Variants in CDH24 observed in about 807,000 individuals in gnomAD.
CDH24 encodes cadherin-24.
Under a neutral mutation model 71.2 loss-of-function variants are expected in CDH24, and 61 were observed. The ratio of observed to expected loss-of-function variants is 0.86; its 90% CI spans 0.70 to 1.06. The LOEUF is 1.06. Ranked by LOEUF, CDH24 falls within the 50% of genes least tolerant of loss-of-function variation. The probability of loss-of-function intolerance (pLI) is 0.00; values close to 1 mark genes in which losing one functional copy is unlikely to be tolerated. For synonymous variants in CDH24, 440 were observed against 470.2 expected (o/e 0.94, Z 0.83); for missense variants, 961 against 1,083.7 (o/e 0.89, Z 1.59).
At chr14:23,050,459 C>T (rs1247032884) in intron 8 of CDH24, among the ~76,000 whole-genome samples, 1 of 151,884 alleles carries the variant, frequency 6.6e-6, no homozygotes, top group Non-Finnish European at 1.5e-5. Context: ...AGGCCATGCA[C>T]AGCACCAGTG....
At chr14:23,048,979 C>T (rs200375242) in intron 11 of CDH24, 48 bp downstream of exon 11, 55 of 1,578,204 alleles carry the variant, frequency 3.5e-5, no homozygotes, top group South Asian at 1.0e-4. Context: ...TCTCCACACC[C>T]CTGCAGGCCC....
chr14:23,047,990 G>C lies in CDH24; in HGVS notation c.2336C>G (p.Pro779Arg), dbSNP rs1248571819. ...LAELYGAKEP[P>R]AP ...GGCCAGCCCGGGCGCTCAGGGGGCC[G>C]GGGGCTCCTTGGCCCCATACAGCTC... The change falls in exon 12 of 13, where the codon CCG becomes CGG. Residue 779 changes from proline to arginine, a missense_variant. Pro to Arg is a moderately radical substitution (Grantham distance 103, BLOSUM62 -2). Coordinates refer to ENST00000487137, the MANE Select transcript of CDH24 (RefSeq NM_144985.4). The C allele has an allele frequency of 2.9e-6, 4 of 1,357,164 alleles. No homozygotes were observed. Among genetic ancestry groups the C allele is most frequent in the Non-Finnish European group, 3.8e-6 (4 of 1,058,102 alleles). 84.1% of individuals were successfully genotyped at this position (1,357,164 alleles called of 1,614,324 possible). A position where few individuals can be genotyped will look rare whatever the true frequency, so the allele number is the denominator to read the frequency against.
Position 23,047,988 on chromosome 14 carries a change from C to T in CDH24, c.2338G>A (p.Ala780Thr). ...AELYGAKEPP[A>T]P is the part of the protein sequence containing the mutation. ...CGGGCCAGCCCGGGCGCTCAGGGGG[C>T]CGGGGGCTCCTTGGCCCCATACAGC... The change falls in exon 12 of 13, where the codon GCC becomes ACC. Residue 780 changes from alanine to threonine, a missense_variant. Ala to Thr is a moderately conservative substitution (Grantham distance 58, BLOSUM62 0). Coordinates refer to ENST00000487137, the MANE Select transcript of CDH24 (RefSeq NM_144985.4). The T allele has an allele frequency of 1.5e-6, 2 of 1,360,894 alleles. No individual in the cohort carries two copies. The highest frequency in any genetic ancestry group is 1.9e-6 in the Non-Finnish European group (2 of 1,061,278). 84.3% of individuals were successfully genotyped at this position (1,360,894 alleles called of 1,614,324 possible).
rs73598409 is a variant in CDH24, at chr14:23,057,040, G to C, written c.-125+363C>G. Among the ~76,000 whole-genome samples the C allele has an allele frequency of 3.3e-5, 5 of 150,618 alleles. No homozygotes were observed. The highest frequency in any genetic ancestry group is 1.2e-4 in the African/African-American group (5 of 40,802). On this transcript the variant is annotated intron_variant, in intron 1 of 12. Transcript: ENST00000487137. The surrounding 1 kb of genome is among the most constrained non-coding windows in gnomAD (Gnocchi z 5.4). Reference sequence around the variant, plus strand: ...GATAGCAGGAAGGGGAGAGGAGAGGGAGGGAAAGGAGAGCAAGAAAGAGAA... The same window carrying C: ...GATAGCAGGAAGGGGAGAGGAGAGGCAGGGAAAGGAGAGCAAGAAAGAGAA...
At chr14:23,050,388 G>A (rs1403544407) in intron 8 of CDH24, among the ~76,000 whole-genome samples, 1 of 152,120 alleles carries the variant, frequency 6.6e-6, no homozygotes, top group African/African-American at 2.4e-5. Context: ...TATGCATAGT[G>A]AATGTGGTGC....
chr14:23,048,524 G>C, intron 11 of CDH24, 45 bp from the exon 12 acceptor site: 1 of 1,588,502 alleles, frequency 6.3e-7, no homozygotes, highest in Non-Finnish European at 8.5e-7. Context: ...GCAGGGCCGG[G>C]AGCGGGCGGC....
In CDH24 at chr14:23,055,263, T is replaced by G. The variant is rs202113150; in HGVS notation, c.292A>C (p.Thr98Pro). The G allele has an allele frequency of 1.9e-6, 3 of 1,614,088 alleles. No homozygotes were observed. ...CTCTTGGTAACATGAATATTGCCTG[T>G]GGCCTCATCAATCACAAATACGGTG... Reference protein sequence around the residue: ...AGTVFVIDEATGNIHVTKSLD... With the variant: ...AGTVFVIDEAPGNIHVTKSLD... The change falls in exon 3 of 13, where the codon ACA (threonine) becomes CCA (proline). Residue 98 changes from threonine to proline, a missense_variant. Thr to Pro is a conservative substitution (Grantham distance 38, BLOSUM62 -1). Coordinates refer to ENST00000487137, the MANE Select transcript of CDH24 (RefSeq NM_144985.4). The surrounding 1 kb of genome is among the most constrained non-coding windows in gnomAD (Gnocchi z 4.1).
Position 23,056,391 on chromosome 14 carries a change from C to A in CDH24, c.-124-534G>T, listed in dbSNP as rs543049387. Among the ~76,000 whole-genome samples the A allele has an allele frequency of 7.2e-5, 11 of 152,316 alleles. No homozygotes were observed. The South Asian group carries it at 2.3e-3, about 32-fold the overall frequency. On this transcript the variant is annotated intron_variant, in intron 1 of 12. Transcript: ENST00000487137. ...TGCCAGTGCAGTCCTTGAAGGGGGA[C>A]TGGGCTCGTGAGACAGGAGTTGGGA...
At position 23,048,080 on chromosome 14, in the gene CDH24, G is replaced by A. The variant is rs2047054842; in HGVS notation, c.2246C>T (p.Ala749Val). 1 of 1,421,710 alleles carries A rather than the reference G, an allele frequency of 7.0e-7. No homozygotes were observed. Among genetic ancestry groups the A allele is most frequent in the Non-Finnish European group, 9.1e-7 (1 of 1,093,414 alleles). 88.1% of individuals were successfully genotyped at this position (1,421,710 alleles called of 1,614,324 possible). ...SLSSLGSGSE[A>V]GGAPGPAEPL... ...CTCCGCGGGGCCGGGGGCGCCGCCG[G>A]CTTCGCTGCCGGAGCCCAGGGAGCT... Residue 749 changes from alanine (A) to valine (V), a missense_variant, in exon 12 of 13, where the codon GCC (alanine) becomes GTC (valine). Ala to Val is a moderately conservative substitution (Grantham distance 64). Coordinates refer to ENST00000487137, the MANE Select transcript of CDH24 (RefSeq NM_144985.4).
chr14:23,055,510 G>GA lies in CDH24; in HGVS notation c.201+22dup, dbSNP rs769416018. On this transcript the variant is annotated intron_variant, in intron 2 of 12. Transcript: ENST00000487137. This position sits in a 1 kb window ranked among gnomAD's most constrained non-coding sequence, Gnocchi z 4.1. Reference sequence around the variant, plus strand: ...GGCCTGAGGGCTTGGTGTCAGAGTAGACATGGGAGGGGTCATCCTTACCTT... The same window carrying GA: ...GGCCTGAGGGCTTGGTGTCAGAGTAGAACATGGGAGGGGTCATCCTTACCTT... The GA allele has an allele frequency of 7.4e-5, 119 of 1,611,476 alleles. No individual in the cohort carries two copies. In the Middle Eastern group the frequency reaches 8.5e-4, roughly 12 times the overall value.
chr14:23,052,620 G>A lies in CDH24; in HGVS notation c.1227-11C>T. On this transcript the variant is annotated splice_polypyrimidine_tract_variant and intron_variant, in intron 7 of 12. Transcript: ENST00000487137. ...GGGAGGATGGAGTATCTGGGGAAGG[G>A]AGAGACATGCTGGGGCTGATCTGGG... is the stretch of plus-strand genomic sequence containing the variant. 6.2e-7 allele frequency: 1 copy of A among 1,612,728 alleles called. No homozygotes were observed.
intron 8 of CDH24, 128 bp downstream of exon 8, chr14:23,052,345 G>A: frequency 9.8e-7 from 1 of 1,018,126 alleles, no homozygotes; most frequent in Non-Finnish European, 1.5e-6. Flanking sequence ...CTCAGATCCA[G>A]GCTAGGACTC....
chr14:23,049,518 T>C, intron 10 of CDH24, 109 bp downstream of exon 10: 2 of 747,028 alleles, frequency 2.7e-6, no homozygotes, highest in Middle Eastern at 3.6e-4. Flanking sequence ...TTCTGTTGGG[T>C]AGAAGGCCGA....
At chr14:23,050,032 T>G in intron 8 of CDH24, 89 bp from the exon 9 acceptor site, 1 of 1,537,804 alleles carries the variant, frequency 6.5e-7, no homozygotes, top group Non-Finnish European at 8.8e-7. Flanking sequence ...GGATGCCACA[T>G]GAAGCATATA....
chr14:23,056,847 G>T (rs775541023), intron 1 of CDH24, among the ~76,000 whole-genome samples: 32 of 152,026 alleles, frequency 2.1e-4, no homozygotes, highest in Non-Finnish European at 2.8e-4. Context: ...GGGCGGGGGG[G>T]AGGACCCCTC....
In CDH24 at chr14:23,054,474, G is replaced by A. The variant is rs1284111210; in HGVS notation, c.784+32C>T. On this transcript the variant is annotated intron_variant, in intron 5 of 12. Coordinates refer to ENST00000487137, the MANE Select transcript of CDH24 (RefSeq NM_144985.4). The surrounding 1 kb of genome is among the most constrained non-coding windows in gnomAD (Gnocchi z 5.2). ...ACACTGTAGGGGTGGGGTGATCAAA[G>A]GATGGCTCAGGTGGCAGCAATGGCC... 1.9e-6 allele frequency: 3 copies of A among 1,599,986 alleles called. No individual in the cohort carries two copies. In the Admixed American group the frequency reaches 5.1e-5, roughly 27 times the overall value.
rs1393174705 is a variant in CDH24 at position 23,053,735 on chromosome 14, C to G, written c.987G>C (p.Glu329Asp). 6.2e-7 allele frequency: 1 copy of G among 1,606,536 alleles called. No individual in the cohort carries two copies. Among genetic ancestry groups the G allele is most frequent in the African/African-American group, 1.3e-5 (1 of 74,854 alleles). The change falls in exon 7 of 13, where the codon GAG becomes GAC. Residue 329 changes from glutamate to aspartate, a missense_variant. Transcript: ENST00000487137. ...LLTVRKPLDFESQRSYSFRVE... is the reference protein window; with the variant it reads ...LLTVRKPLDFDSQRSYSFRVE... ...CACGGAAGGAGTAGGAGCGCTGGCT[C>G]TCAAAGTCTAGGGGCTATGGTGAGG...
Position 23,049,135 on chromosome 14 carries a change from G to A in CDH24, c.1738C>T (p.Gln580Ter). 1 of 1,602,180 alleles carries A rather than the reference G, an allele frequency of 6.2e-7. No homozygotes were observed. Among genetic ancestry groups the A allele is most frequent in the Non-Finnish European group, 8.5e-7 (1 of 1,174,416 alleles). The change falls in exon 11 of 13, where the codon CAG (glutamine) becomes TAG (stop). Residue 580 changes from glutamine (Q) to a stop codon, truncating the protein, a stop_gained. Coordinates refer to ENST00000487137, the MANE Select transcript of CDH24 (RefSeq NM_144985.4). LOFTEE classifies it high-confidence loss of function. ...CAGGATGCCACAGAGCCGTCAGGCT[G>A]GCAGCGGCACACACTAACAGTCACT... Reference protein sequence around the residue: ...ATVTVSVCRCQPDGSVASCWP... With the variant: ...ATVTVSVCRC
Position 23,055,619 on chromosome 14 carries a change from G to C in CDH24, c.115C>G (p.Leu39Val). 6.2e-7 allele frequency: 1 copy of C among 1,613,724 alleles called. No individual in the cohort carries two copies. The highest frequency in any genetic ancestry group is 1.1e-5 in the South Asian group (1 of 91,040). ...AGSREHPGPA[L>V]LRTRRSWVWN... ...ACCCAGCTCCTTCGAGTCCGCAGCAGAGCAGGCCCTGGGTGTTCCCGGGAC... is the reference window on the plus strand; with the variant it reads ...ACCCAGCTCCTTCGAGTCCGCAGCACAGCAGGCCCTGGGTGTTCCCGGGAC... Residue 39 changes from leucine (L) to valine (V), a missense_variant, in exon 2 of 13, where the codon CTG becomes GTG. This residue lies in a region of CDH24 where 671 missense variants were observed against 810.9 expected (regional missense o/e 0.83). Transcript: ENST00000487137. This position sits in a 1 kb window ranked among gnomAD's most constrained non-coding sequence, Gnocchi z 4.1.
Sources: allele counts gnomAD v4.1 joint callset (sites outside exome capture counted in the v4.1 genomes callset), GRCh38; gene constraint gnomAD v4.1.1; regional missense constraint gnomAD v4.1.1; non-coding constraint Gnocchi (gnomAD v3.1); transcripts MANE v1.5; gene names NCBI Gene and HGNC (gene_info 2026-07-23, HGNC 2026-07-21).